EXTL3: variants seen among roughly 807,000 people sequenced by gnomAD.
EXTL3 encodes exostosin like glycosyltransferase 3.
In EXTL3, 27 loss-of-function variants were observed where a neutral mutation model predicts 69.3. The ratio of observed to expected loss-of-function variants is 0.39; its 90% confidence interval spans 0.29 to 0.54. The LOEUF is 0.54. Ranked by LOEUF, EXTL3 falls within the 20% of genes least tolerant of loss-of-function variation. EXTL3 has a pLI of 0.69. For missense variants in EXTL3, 1,003 were observed against 1,231.8 expected (o/e 0.81, Z 2.78); for synonymous variants, 511 against 499.4 (o/e 1.02, Z -0.31).
intron 1 of EXTL3, among the ~76,000 whole-genome samples, chr8:28,655,296 G>GA (rs946141423): frequency 3.3e-5 from 5 of 151,538 alleles, no homozygotes; most frequent in African/African-American, 7.3e-5. Flanking sequence ...AAAGAAGAAA[G>GA]AAAAAAAATT....
intron 1 of EXTL3, among the ~76,000 whole-genome samples, chr8:28,704,568 A>T (rs1047828489): frequency 6.6e-6 from 1 of 151,592 alleles, no homozygotes; most frequent in Non-Finnish European, 1.5e-5. Flanking sequence ...TGCTTTTTTG[A>T]CCATTTTCCC....
chr8:28,613,962 G>C (rs1047705754), intron 2 of EXTL3, among the ~76,000 whole-genome samples: 1 of 151,734 alleles, frequency 6.6e-6, no homozygotes, highest in Non-Finnish European at 1.5e-5. Context: ...TAGGACTACA[G>C]GCCCATGCAT....
intron 1 of EXTL3, among the ~76,000 whole-genome samples, chr8:28,687,444 C>T (rs928926270): frequency 6.6e-6 from 1 of 151,940 alleles, no homozygotes; most frequent in Non-Finnish European, 1.5e-5. Context: ...CCAGCCTGGG[C>T]AACAGAGCGA....
intron 1 of EXTL3, among the ~76,000 whole-genome samples, chr8:28,650,198 G>GAA (rs35238223): frequency 3.6e-4 from 34 of 95,250 alleles, no homozygotes; most frequent in African/African-American, 8.5e-4. Context: ...TCTGTCTCAG[G>GAA]AAAAAAAAAA....
rs558701639 is a variant in EXTL3 at position 28,680,368 on chromosome 8, C to T, written c.-52-33089C>T. ...TCACACCATTGCACTCCAGCCTGGG[C>T]AACACAGACTCTGTCTCAAAAAAAA... On this transcript the variant is annotated intron_variant, in intron 1 of 6. Transcript: ENST00000523149. 9.1e-5 allele frequency among the ~76,000 whole-genome samples: 11 copies of T among 121,442 alleles called. No individual in the cohort carries two copies. The Admixed American group carries it at 1.1e-3, about 12-fold the overall frequency. The allele number at this position is 121,442 out of a possible 152,430, so 79.7% of individuals were successfully genotyped here.
chr8:28,647,271 A>T (rs958636391), intron 1 of EXTL3, among the ~76,000 whole-genome samples: 13 of 151,656 alleles, frequency 8.6e-5, no homozygotes, highest in African/African-American at 1.9e-4. Flanking sequence ...TGCCCAATGA[A>T]TTTTTTTTAT....
chr8:28,732,603 T>C (rs1183395166), intron 4 of EXTL3, among the ~76,000 whole-genome samples: 1 of 152,230 alleles, frequency 6.6e-6, no homozygotes, highest in African/African-American at 2.4e-5. Flanking sequence ...TGCATCTCTA[T>C]AGATTTGCCT....
chr8:28,609,206 G>A lies in EXTL3; in HGVS notation n.314+1448G>A, dbSNP rs114484316. The stretch of plus-strand genomic sequence containing the variant: ...TGGGTACAGTTGAGTTAGAGAAATA[G>A]CCTGGGGCCGTCACAGAGCATTTGT... On this transcript the variant is annotated intron_variant and non_coding_transcript_variant, in intron 2 of 4. Coordinates refer to the EXTL3 transcript ENST00000522725. 1.5e-3 allele frequency among the ~76,000 whole-genome samples: 226 copies of A among 152,208 alleles called. 1 individual carries two copies. The highest frequency in any genetic ancestry group is 5.2e-3 in the African/African-American group (216 of 41,472).
intron 1 of EXTL3, chr8:28,710,275 C>A (rs1017930452): frequency 1.2e-5 from 4 of 325,506 alleles, no homozygotes; most frequent in African/African-American, 8.7e-5. Flanking sequence ...TGAGAGTCAG[C>A]CAATCAGGGG....
intron 1 of EXTL3, among the ~76,000 whole-genome samples, chr8:28,664,658 C>T (rs537588104): frequency 1.6e-4 from 24 of 152,188 alleles, no homozygotes; most frequent in Non-Finnish European, 3.1e-4. Context: ...TTCCTTTCCC[C>T]AGGCATTTGA....
At chr8:28,659,505 C>A (rs780152417) in intron 1 of EXTL3, among the ~76,000 whole-genome samples, 6 of 152,156 alleles carry the variant, frequency 3.9e-5, no homozygotes, top group Non-Finnish European at 8.8e-5. Flanking sequence ...TCAAGGTATT[C>A]CAAATCCTTG....
intron 1 of EXTL3, among the ~76,000 whole-genome samples, chr8:28,654,183 T>C (rs564847694): frequency 1.3e-5 from 2 of 152,350 alleles, no homozygotes; most frequent in East Asian, 1.9e-4. Context: ...CTGAGTCTTA[T>C]AAAGTTTAGC....
intron 1 of EXTL3, among the ~76,000 whole-genome samples, chr8:28,682,347 C>A (rs1053792737): frequency 2.0e-5 from 3 of 152,148 alleles, no homozygotes; most frequent in African/African-American, 7.2e-5. Flanking sequence ...CGGCTATTAA[C>A]CCCTTATCAG....
intron 1 of EXTL3, among the ~76,000 whole-genome samples, chr8:28,710,725 T>C (rs1801016235): frequency 1.3e-5 from 2 of 151,740 alleles, no homozygotes; most frequent in African/African-American, 4.8e-5. Context: ...AAATTTTTTT[T>C]TTTTTGGTAG....
chr8:28,620,174 G>T (rs1226208220), upstream of EXTL3, among the ~76,000 whole-genome samples: 2 of 151,982 alleles, frequency 1.3e-5, no homozygotes, highest in Admixed American at 6.6e-5. Context: ...CGCCTGGCCG[G>T]CTTCTGATTC....
chr8:28,672,142 C>T (rs1030215441), intron 1 of EXTL3, among the ~76,000 whole-genome samples: 41 of 151,942 alleles, frequency 2.7e-4, no homozygotes, highest in Non-Finnish European at 3.8e-4. Context: ...TGGCCAGGAG[C>T]GTTTGGTGCA....
intron 2 of EXTL3, among the ~76,000 whole-genome samples, chr8:28,714,776 C>T (rs551014466): frequency 6.6e-6 from 1 of 152,176 alleles, no homozygotes; most frequent in Non-Finnish European, 1.5e-5. Context: ...GGGACTGAGT[C>T]GCTACAAGCG....
chr8:28,728,287 C>G (rs1454470428), intron 3 of EXTL3, among the ~76,000 whole-genome samples: 1 of 152,234 alleles, frequency 6.6e-6, no homozygotes, highest in Non-Finnish European at 1.5e-5. Flanking sequence ...CCCTCCCGCC[C>G]TTTGGCGAGT....
chr8:28,664,528 T>A (rs1487202800), intron 1 of EXTL3, among the ~76,000 whole-genome samples: 1 of 152,158 alleles, frequency 6.6e-6, no homozygotes, highest in Non-Finnish European at 1.5e-5. Flanking sequence ...CTAAAGTACT[T>A]TTTTCACGTG....
Sources: gnomAD v4.1 joint callset for allele counts (sites outside exome capture counted in the v4.1 genomes callset) on GRCh38, gnomAD v4.1.1 for gene constraint, MANE v1.5 for transcripts, NCBI Gene and HGNC (gene_info 2026-07-23, HGNC 2026-07-21) for gene names.